The following CGGBP1 variants were observed in gnomAD, a reference collection of about 807,000 sequenced individuals.
The protein encoded by CGGBP1 is CGG triplet repeat-binding protein 1.
Under a neutral mutation model 11.4 loss-of-function variants are expected in CGGBP1, and 4 were observed. The ratio of observed to expected loss-of-function variants is 0.35; its 90% CI spans 0.17 to 0.80. CGGBP1 has a LOEUF of 0.80. Among genes scored for constraint, CGGBP1 ranks in the 30% least tolerant of loss-of-function variants. The pLI is 0.52. For synonymous variants in CGGBP1, 76 were observed against 74.1 expected, an observed-to-expected ratio of 1.03 and a Z score of -0.13; for missense variants, 135 against 202.1, an observed-to-expected ratio of 0.67 and a Z score of 2.01.
rs1183151494 is a variant in CGGBP1 at position 88,052,096 on chromosome 3, G to A, written c.*3377C>T. On this transcript the variant is annotated 3_prime_UTR_variant, in exon 4 of 4. Coordinates refer to ENST00000482016, the MANE Select transcript of CGGBP1 (RefSeq NM_001008390.2). ...ACACATTTATACTAAGCATACATGC[G>A]TGAGCAAAAAAAATAAGCACAGAAT... 3 of 152,356 alleles carry A rather than the reference G, an allele frequency of 2.0e-5. No individual in the cohort carries two copies. The highest frequency in any genetic ancestry group is 1.9e-4 in the East Asian group (1 of 5,204). 9.4% of individuals were successfully genotyped at this position (152,356 alleles called of 1,614,324 possible).
chr3:88,140,371 C>G (rs1287183930), intron 2 of CGGBP1: 1 of 1,613,036 alleles, frequency 6.2e-7, no homozygotes, highest in East Asian at 2.2e-5. Context: ...AAAGACTCAT[C>G]TAGTAATGAG....
Position 88,139,311 on chromosome 3 carries a change from A to G in CGGBP1, c.-229+1659T>C, listed in dbSNP as rs202216157. 5.0e-6 allele frequency: 8 copies of G among 1,595,872 alleles called. No individual in the cohort carries two copies. In the African/African-American group the frequency reaches 1.1e-4, roughly 22 times the overall value. On this transcript the variant is annotated intron_variant, in intron 2 of 3. Transcript: ENST00000462901. ...TCACAATGTCCCAAGGCATCGTTGT[A>G]TGTTATGTAACAAGGAATTTTTAGG...
intron 2 of CGGBP1, among the ~76,000 whole-genome samples, chr3:88,118,529 TGAA>T (rs2107789212): frequency 6.6e-6 from 1 of 152,228 alleles, no homozygotes; most frequent in East Asian, 1.9e-4. Flanking sequence ...TTAGCTAAGA[TGAA>T]GACGTTTAGA....
intron 2 of CGGBP1, among the ~76,000 whole-genome samples, chr3:88,115,288 G>T (rs1431074638): frequency 6.6e-6 from 1 of 152,068 alleles, no homozygotes; most frequent in Non-Finnish European, 1.5e-5. Context: ...CTTTCCCCCC[G>T]CTGTATTTCA....
chr3:88,116,380 C>T (rs999976061), intron 2 of CGGBP1, among the ~76,000 whole-genome samples: 9 of 151,726 alleles, frequency 5.9e-5, no homozygotes, highest in Admixed American at 2.6e-4. Flanking sequence ...ATTAGCAGGT[C>T]GTGGCGGCTC....
chr3:88,134,143 T>C (rs1706628286), intron 2 of CGGBP1, among the ~76,000 whole-genome samples: 1 of 151,610 alleles, frequency 6.6e-6, no homozygotes, highest in South Asian at 2.1e-4. Flanking sequence ...TGAAACTTAA[T>C]AAATAGCTAG....
chr3:88,129,684 C>T, intron 2 of CGGBP1: 1 of 1,464,796 alleles, frequency 6.8e-7, no homozygotes, highest in South Asian at 1.3e-5. Flanking sequence ...TTTCCTCTTA[C>T]AGCATTTATT....
At chr3:88,118,336 T>C (rs1010350377) in intron 2 of CGGBP1, among the ~76,000 whole-genome samples, 1 of 150,504 alleles carries the variant, frequency 6.6e-6, no homozygotes, top group Non-Finnish European at 1.5e-5. Context: ...AGCAGGAGGC[T>C]CAACGCTATC....
Position 88,128,265 on chromosome 3 carries a change from T to C in CGGBP1, c.-229+12705A>G, listed in dbSNP as rs1706238130. ...TTAGTAATACATAAATGTATATTAATAAGCAGTCCTATTTGGCACTACTTT... is the reference window on the plus strand; with the variant it reads ...TTAGTAATACATAAATGTATATTAACAAGCAGTCCTATTTGGCACTACTTT... On this transcript the variant is annotated intron_variant, in intron 2 of 3. Transcript: ENST00000462901. 3.9e-5 allele frequency among the ~76,000 whole-genome samples: 6 copies of C among 152,282 alleles called. No individual in the cohort carries two copies. The South Asian group carries it at 1.0e-3, about 26-fold the overall frequency.
At chr3:88,060,889 A>C (rs1706840921), upstream of CGGBP1, among the ~76,000 whole-genome samples, 1 of 152,100 alleles carries the variant, frequency 6.6e-6, no homozygotes, top group South Asian at 2.1e-4. Context: ...GTAAGTTTTT[A>C]ATGCTTTAAT....
chr3:88,113,946 G>A (rs2107770335), intron 2 of CGGBP1, among the ~76,000 whole-genome samples: 1 of 152,190 alleles, frequency 6.6e-6, no homozygotes, highest in East Asian at 1.9e-4. Flanking sequence ...AAAAATACCT[G>A]TTTTCATGGA....
chr3:88,061,463 C>G (rs1343684054), upstream of CGGBP1, among the ~76,000 whole-genome samples: 8 of 152,148 alleles, frequency 5.3e-5, no homozygotes, highest in Admixed American at 3.9e-4. Context: ...GACATACTTT[C>G]ATGTTACCAA....
At chr3:88,121,996 G>GA (rs1705797231) in intron 2 of CGGBP1, among the ~76,000 whole-genome samples, 1 of 151,966 alleles carries the variant, frequency 6.6e-6, no homozygotes, top group Non-Finnish European at 1.5e-5. Flanking sequence ...CTGTCTGTTT[G>GA]AAAAAACTTT....
intron 1 of CGGBP1, chr3:88,141,817 A>G (rs1559740268): frequency 4.1e-6 from 2 of 488,846 alleles, no homozygotes; most frequent in East Asian, 6.6e-5. Flanking sequence ...ACTCACAGAG[A>G]TGTGCTGGCT....
At chr3:88,066,228 G>A (rs1218886991) in intron 2 of CGGBP1, among the ~76,000 whole-genome samples, 1 of 152,172 alleles carries the variant, frequency 6.6e-6, no homozygotes, top group East Asian at 1.9e-4. Context: ...TCTTTCATTA[G>A]ATACATGACT....
Position 88,097,012 on chromosome 3 carries a change from C to T in CGGBP1, c.-228-38789G>A, listed in dbSNP as rs1336165550. On this transcript the variant is annotated intron_variant, in intron 2 of 3. Transcript: ENST00000462901. ...AGCATAGAAAGAACACTGGTCATCACATTGGCTGTAGAGTATTTCACTCTT... is the reference window on the plus strand; with the variant it reads ...AGCATAGAAAGAACACTGGTCATCATATTGGCTGTAGAGTATTTCACTCTT... 2.0e-5 allele frequency among the ~76,000 whole-genome samples: 3 copies of T among 152,260 alleles called. No individual in the cohort carries two copies. The East Asian group carries it at 5.8e-4, about 29-fold the overall frequency.
At position 88,099,294 on chromosome 3, in the gene CGGBP1, AAGG is replaced by A. The variant is rs201166454; in HGVS notation, c.-228-41074_-228-41072del. Among the ~76,000 whole-genome samples the A allele has an allele frequency of 7.8e-3, 1,186 of 152,336 alleles. 21 individuals are homozygous for A. The highest frequency in any genetic ancestry group is 0.027 in the African/African-American group (1,130 of 41,566). ...TACAAGGGATGTGAAGGACCTCTTC[AAGG>A]AGAACTGCAAATCACTGCTCAACAA... is the stretch of plus-strand genomic sequence containing the variant. On this transcript the variant is annotated intron_variant, in intron 2 of 3. Transcript: ENST00000462901.
chr3:88,123,805 C>A (rs1197077729), intron 2 of CGGBP1, among the ~76,000 whole-genome samples: 1 of 152,120 alleles, frequency 6.6e-6, no homozygotes, highest in African/African-American at 2.4e-5. Context: ...GTCCAACTTA[C>A]CTTATTTCTC....
At chr3:88,072,643 A>C (rs557757357) in intron 2 of CGGBP1, among the ~76,000 whole-genome samples, 1 of 152,314 alleles carries the variant, frequency 6.6e-6, no homozygotes, top group African/African-American at 2.4e-5. Flanking sequence ...CATGTAAAGC[A>C]GCATCCCATC....
Sources: gnomAD v4.1 joint callset for allele counts (sites outside exome capture counted in the v4.1 genomes callset) on GRCh38, gnomAD v4.1.1 for gene constraint, MANE v1.5 for transcripts, NCBI Gene and HGNC (gene_info 2026-07-23, HGNC 2026-07-21) for gene names.